The following TSHZ2 variants were observed in gnomAD, a reference collection of about 807,000 sequenced individuals.
The protein encoded by TSHZ2 is teashirt homolog 2.
A neutral mutation model predicts 74.4 loss-of-function variants in TSHZ2; 21 were observed. The ratio of observed to expected loss-of-function variants is 0.28; its 90% CI spans 0.20 to 0.41. The LOEUF is 0.41. Among genes scored for constraint, TSHZ2 ranks in the 10% least tolerant of loss-of-function variants. TSHZ2 has a pLI of 1.00. For missense variants in TSHZ2, 1,244 were observed against 1,293.5 expected, an observed-to-expected ratio of 0.96 and a Z score of 0.59; for synonymous variants, 540 against 515.3, an observed-to-expected ratio of 1.05 and a Z score of -0.65.
intron 1 of TSHZ2, among the ~76,000 whole-genome samples, chr20:53,065,940 T>C (rs1984969716): frequency 6.6e-6 from 1 of 152,220 alleles, no homozygotes; most frequent in African/African-American, 2.4e-5. Flanking sequence ...TCCAAGAATC[T>C]GGGGGTCATA....
intron 2 of TSHZ2, among the ~76,000 whole-genome samples, chr20:53,327,819 G>A (rs1482543309): frequency 6.6e-6 from 1 of 152,216 alleles, no homozygotes; most frequent in Non-Finnish European, 1.5e-5. Flanking sequence ...GAGCCTGGGT[G>A]GAAACTAGTG....
At chr20:53,011,077 C>G (rs1982832836) in intron 1 of TSHZ2, among the ~76,000 whole-genome samples, 1 of 152,152 alleles carries the variant, frequency 6.6e-6, no homozygotes, top group African/African-American at 2.4e-5. Flanking sequence ...TTTGCTCAAA[C>G]AGCTTTCTTT....
At chr20:52,983,913 G>A (rs138746563) in intron 1 of TSHZ2, among the ~76,000 whole-genome samples, 33 of 152,328 alleles carry the variant, frequency 2.2e-4, no homozygotes, top group African/African-American at 7.0e-4. Flanking sequence ...CTCCCCCACG[G>A]GGAACCCGCG....
chr20:53,105,794 A>AC (rs1436194229), intron 1 of TSHZ2, among the ~76,000 whole-genome samples: 75 of 151,796 alleles, frequency 4.9e-4, no homozygotes, highest in Admixed American at 1.5e-3. Context: ...CTGCAGGCAC[A>AC]CCCCACCATG....
chr20:53,424,151 T>C (rs1983579990), intron 2 of TSHZ2, among the ~76,000 whole-genome samples: 1 of 152,274 alleles, frequency 6.6e-6, no homozygotes, highest in East Asian at 1.9e-4. Context: ...AATTCTGTTA[T>C]GGCAGCTGTC....
chr20:53,045,756 C>T (rs1984206005), intron 1 of TSHZ2, among the ~76,000 whole-genome samples: 1 of 152,138 alleles, frequency 6.6e-6, no homozygotes, highest in Admixed American at 6.5e-5. Flanking sequence ...GGTAGTAATC[C>T]CGGAGGGATG....
chr20:52,982,551 T>A (rs1266770536), intron 1 of TSHZ2, among the ~76,000 whole-genome samples: 1 of 152,238 alleles, frequency 6.6e-6, no homozygotes, highest in Non-Finnish European at 1.5e-5. Flanking sequence ...CAACAAATAT[T>A]GGCTGTGCAT....
At chr20:52,980,062 G>A (rs901422043) in intron 1 of TSHZ2, among the ~76,000 whole-genome samples, 2 of 152,194 alleles carry the variant, frequency 1.3e-5, no homozygotes, top group Admixed American at 1.3e-4. Flanking sequence ...ACTCTCTCTG[G>A]ACACACAGAT....
At chr20:53,031,062 T>C (rs1424454194) in intron 1 of TSHZ2, among the ~76,000 whole-genome samples, 2 of 152,190 alleles carry the variant, frequency 1.3e-5, no homozygotes, top group Admixed American at 6.5e-5. Context: ...ATCCTTCTAT[T>C]TGCATCTTTG....
intron 1 of TSHZ2, among the ~76,000 whole-genome samples, chr20:53,050,773 G>A (rs1264920298): frequency 6.6e-6 from 1 of 152,218 alleles, no homozygotes; most frequent in Non-Finnish European, 1.5e-5. Flanking sequence ...CTAAATGGTA[G>A]TTCTTGGTGT....
intron 1 of TSHZ2, among the ~76,000 whole-genome samples, chr20:52,997,810 TG>T (rs1454084073): frequency 6.6e-6 from 1 of 152,200 alleles, no homozygotes; most frequent in Non-Finnish European, 1.5e-5. Flanking sequence ...AACTGCAAAG[TG>T]GGTTCATAAA....
At chr20:53,023,377 C>T (rs1983315380) in intron 1 of TSHZ2, among the ~76,000 whole-genome samples, 1 of 152,140 alleles carries the variant, frequency 6.6e-6, no homozygotes, top group Non-Finnish European at 1.5e-5. Context: ...AATGTTCTTC[C>T]TCTGAATTGT....
chr20:53,396,753 G>A (rs1235686627), intron 2 of TSHZ2, among the ~76,000 whole-genome samples: 1 of 151,422 alleles, frequency 6.6e-6, no homozygotes, highest in Non-Finnish European at 1.5e-5. Flanking sequence ...AAGCTGAGGT[G>A]AGCGGATCAC....
chr20:53,194,096 C>T (rs913555846), intron 1 of TSHZ2, among the ~76,000 whole-genome samples: 1 of 152,304 alleles, frequency 6.6e-6, no homozygotes, highest in Non-Finnish European at 1.5e-5. Context: ...CACTGATTCC[C>T]TCTTGATGTC....
chr20:53,028,646 G>T (rs1412630281), intron 1 of TSHZ2, among the ~76,000 whole-genome samples: 1 of 152,240 alleles, frequency 6.6e-6, no homozygotes, highest in South Asian at 2.1e-4. Flanking sequence ...TACTGAGTCA[G>T]TTGGGGCAGG....
chr20:53,056,969 G>A lies in TSHZ2; in HGVS notation c.40+83636G>A, dbSNP rs564877043. Among the ~76,000 whole-genome samples, 102 of 152,266 alleles carry A rather than the reference G, an allele frequency of 6.7e-4. 1 individual carries two copies. The Middle Eastern group carries it at 0.014, about 20-fold the overall frequency. ...CTGAATTGTAGCTCCCATAATTCCC[G>A]CGTGTCGTGGGAGGGACCTGGTGGG... On this transcript the variant is annotated intron_variant, in intron 1 of 2. Coordinates refer to ENST00000371497, the MANE Select transcript of TSHZ2 (RefSeq NM_173485.6).
intron 1 of TSHZ2, among the ~76,000 whole-genome samples, chr20:53,218,615 A>C (rs1447842706): frequency 6.6e-6 from 1 of 152,234 alleles, no homozygotes; most frequent in African/African-American, 2.4e-5. Context: ...TTCACTCAGC[A>C]ACTCTCCCCA....
intron 2 of TSHZ2, among the ~76,000 whole-genome samples, chr20:53,358,839 T>C (rs908565260): frequency 1.3e-5 from 2 of 152,234 alleles, no homozygotes; most frequent in Non-Finnish European, 2.9e-5. Context: ...AGCTGACAGA[T>C]AATCTAGGTG....
chr20:53,132,929 C>G (rs1362590528), intron 1 of TSHZ2, among the ~76,000 whole-genome samples: 1 of 151,992 alleles, frequency 6.6e-6, no homozygotes. Flanking sequence ...TCCAGCCTTC[C>G]TCTCTTATTC....
Sources: allele counts gnomAD v4.1 joint callset (sites outside exome capture counted in the v4.1 genomes callset), GRCh38; gene constraint gnomAD v4.1.1; transcripts MANE v1.5; gene names NCBI Gene and HGNC (gene_info 2026-07-23, HGNC 2026-07-21).